NRG3: variants seen among roughly 807,000 people sequenced by gnomAD.
The protein encoded by NRG3 is pro-neuregulin-3, membrane-bound isoform.
Under a neutral mutation model 66.9 loss-of-function variants are expected in NRG3, and 31 were observed. The ratio of observed to expected loss-of-function variants is 0.46; its 90% CI spans 0.35 to 0.63. NRG3 has a LOEUF of 0.63. Ranked by LOEUF, NRG3 falls within the 20% of genes least tolerant of loss-of-function variation. NRG3 has a pLI of 0.00. For synonymous variants in NRG3, 393 were observed against 359.4 expected (o/e 1.09, Z -1.06); for missense variants, 910 against 878.9 (o/e 1.04, Z -0.45).
At chr10:82,729,029 TA>T (rs2057759335) in intron 2 of NRG3, among the ~76,000 whole-genome samples, 1 of 152,110 alleles carries the variant, frequency 6.6e-6, no homozygotes, top group Non-Finnish European at 1.5e-5. Flanking sequence ...ACAGAGCATG[TA>T]CTAAATCAAG....
At chr10:82,136,205 G>A (rs559387953) in intron 1 of NRG3, among the ~76,000 whole-genome samples, 2 of 152,288 alleles carry the variant, frequency 1.3e-5, no homozygotes, top group South Asian at 2.1e-4. Context: ...AACAAATGAG[G>A]TCATTCTCCT....
At chr10:82,422,773 G>A (rs1317085331) in intron 2 of NRG3, among the ~76,000 whole-genome samples, 1 of 151,926 alleles carries the variant, frequency 6.6e-6, no homozygotes, top group African/African-American at 2.4e-5. Flanking sequence ...TTTGCTATGT[G>A]GTAAATTATA....
chr10:82,602,470 TATTAA>T (rs2047696164), intron 2 of NRG3, among the ~76,000 whole-genome samples: 2 of 151,934 alleles, frequency 1.3e-5, no homozygotes, highest in South Asian at 4.1e-4. Context: ...AGATTATATT[TATTAA>T]ATTATTATAT....
intron 1 of NRG3, among the ~76,000 whole-genome samples, chr10:82,283,764 C>T (rs2079251888): frequency 6.6e-6 from 1 of 152,136 alleles, no homozygotes; most frequent in Admixed American, 6.6e-5. Context: ...CCATTTATCA[C>T]AGGGCATCAT....
chr10:82,134,081 C>A (rs765130292), intron 1 of NRG3, among the ~76,000 whole-genome samples: 2 of 148,992 alleles, frequency 1.3e-5, no homozygotes, highest in Non-Finnish European at 3.0e-5. Context: ...AGTGTCTGTT[C>A]ATGTCCTTTG....
chr10:81,875,776 G>T lies in NRG3; in HGVS notation c.436G>T (p.Ala146Ser), dbSNP rs1351683889. 5 of 1,611,014 alleles carry T rather than the reference G, an allele frequency of 3.1e-6. No homozygotes were observed. The highest frequency in any genetic ancestry group is 2.2e-5 in the East Asian group (1 of 44,828). ...CGCCACCCCCTCCGCCGGGGGTGCC[G>T]CCTCCTCCAGGACGCCCAACCGGAT... ...SPATPSAGGA[A>S]SSRTPNRIST... Residue 146 changes from alanine (A) to serine (S), a missense_variant, in exon 1 of 9, where the codon GCC becomes TCC. Transcript: ENST00000372141. The surrounding 1 kb of genome is among the most constrained non-coding windows in gnomAD (Gnocchi z 5.3).
intron 2 of NRG3, among the ~76,000 whole-genome samples, chr10:82,618,325 CG>C (rs1430010918): frequency 4.0e-5 from 6 of 151,062 alleles, no homozygotes; most frequent in Non-Finnish European, 5.9e-5. Context: ...GGCAGGGAGA[CG>C]GGGGGGAATT....
At chr10:82,220,186 CTGTG>C (rs60708384) in intron 1 of NRG3, among the ~76,000 whole-genome samples, 36,747 of 149,758 alleles carry the variant, frequency 0.25, 4,806 homozygotes, top group African/African-American at 0.33. Flanking sequence ...TGTATCTTTA[CTGTG>C]TGTGTGTGTG....
At chr10:82,151,799 G>A (rs75309476) in intron 1 of NRG3, among the ~76,000 whole-genome samples, 5,015 of 152,172 alleles carry the variant, frequency 0.033, 269 homozygotes, top group African/African-American at 0.11. Flanking sequence ...GCATGGTAGC[G>A]TAGTGCTTCA....
At chr10:82,110,998 C>T (rs1237659906) in intron 1 of NRG3, among the ~76,000 whole-genome samples, 2 of 152,270 alleles carry the variant, frequency 1.3e-5, no homozygotes, top group East Asian at 1.9e-4. Context: ...TATAGGAATT[C>T]TCTGTTGTGC....
chr10:81,906,618 G>T (rs1844628766), intron 1 of NRG3, among the ~76,000 whole-genome samples: 1 of 152,130 alleles, frequency 6.6e-6, no homozygotes, highest in Non-Finnish European at 1.5e-5. Context: ...AGAATATGTT[G>T]CCACGTGAGG....
At chr10:82,123,434 G>A (rs998611875) in intron 1 of NRG3, among the ~76,000 whole-genome samples, 2 of 152,088 alleles carry the variant, frequency 1.3e-5, no homozygotes, top group Non-Finnish European at 2.9e-5. Flanking sequence ...CAGAGCTTAT[G>A]GAGCCCACTC....
intron 4 of NRG3, among the ~76,000 whole-genome samples, chr10:82,914,931 T>G (rs1845692458): frequency 6.6e-6 from 1 of 152,154 alleles, no homozygotes; most frequent in Non-Finnish European, 1.5e-5. Context: ...GAACAGAACA[T>G]TCTGAGTATA....
intron 1 of NRG3, among the ~76,000 whole-genome samples, chr10:82,237,011 G>A (rs993615146): frequency 3.3e-5 from 5 of 151,980 alleles, no homozygotes; most frequent in Non-Finnish European, 5.9e-5. Flanking sequence ...CAGCGCACCC[G>A]GCCTAAAAAA....
intron 4 of NRG3, among the ~76,000 whole-genome samples, chr10:82,909,491 A>C (rs1323429988): frequency 6.6e-6 from 1 of 152,132 alleles, no homozygotes; most frequent in Non-Finnish European, 1.5e-5. Context: ...TAGTTTATTC[A>C]GTGACCCCAA....
At chr10:82,386,324 C>T (rs989015043) in intron 2 of NRG3, among the ~76,000 whole-genome samples, 1 of 151,972 alleles carries the variant, frequency 6.6e-6, no homozygotes, top group Non-Finnish European at 1.5e-5. Context: ...CTTTTTTATG[C>T]AAGAAGATAA....
intron 1 of NRG3, among the ~76,000 whole-genome samples, chr10:82,209,311 A>G (rs957153345): frequency 2.7e-5 from 4 of 150,514 alleles, no homozygotes; most frequent in East Asian, 2.0e-4. Flanking sequence ...TATATTTTCA[A>G]TAATTTATAT....
intron 4 of NRG3, among the ~76,000 whole-genome samples, chr10:82,888,182 C>G (rs934890678): frequency 2.0e-5 from 3 of 152,072 alleles, no homozygotes; most frequent in African/African-American, 7.2e-5. Context: ...TAAAATCGAA[C>G]CTGGAGACAA....
At chr10:82,382,605 A>AT (rs1436822131) in intron 2 of NRG3, among the ~76,000 whole-genome samples, 2 of 151,924 alleles carry the variant, frequency 1.3e-5, no homozygotes, top group Non-Finnish European at 2.9e-5. Flanking sequence ...ACTTTTGTTA[A>AT]TTTTTTAAAA....
Sources: allele counts gnomAD v4.1 joint callset (sites outside exome capture counted in the v4.1 genomes callset), GRCh38; gene constraint gnomAD v4.1.1; non-coding constraint Gnocchi (gnomAD v3.1); transcripts MANE v1.5; gene names NCBI Gene and HGNC (gene_info 2026-07-23, HGNC 2026-07-21).